Variants in HMX1 observed in about 807,000 individuals in gnomAD.
HMX1 encodes H6 family homeobox 1, also known as homeobox protein HMX1.
A neutral mutation model predicts 8.9 loss-of-function variants in HMX1; 8 were observed. The ratio of observed to expected loss-of-function variants is 0.90; its 90% CI spans 0.53 to 1.63. The LOEUF (loss-of-function observed/expected upper bound fraction) is 1.63, where lower values mean the gene tolerates loss of function less well. Among genes scored for constraint, HMX1 ranks in the 40% most tolerant of loss-of-function variants. The pLI, the probability that HMX1 is intolerant of heterozygous loss-of-function variation, is 0.00. For missense variants in HMX1, 621 were observed against 558.5 expected (o/e 1.11, Z -1.13); for synonymous variants, 311 against 283.4 (o/e 1.10, Z -0.98).
intron 1 of HMX1, among the ~76,000 whole-genome samples, chr4:8,869,676 G>A (rs1364917189): frequency 6.6e-6 from 1 of 152,116 alleles, no homozygotes; most frequent in Non-Finnish European, 1.5e-5. Flanking sequence ...AGCAGGTTGT[G>A]GTGCATGCTA....
rs566538251 is a variant in HMX1 at position 8,849,713 on chromosome 4, G to A, written c.395-3389C>T. ...TCAGGCCCATGTGGATGCAACCCCAGGGGTTTTTCTCCCTCTCTTCCAATC... is the reference window on the plus strand; with the variant it reads ...TCAGGCCCATGTGGATGCAACCCCAAGGGTTTTTCTCCCTCTCTTCCAATC... On this transcript the variant is annotated intron_variant, in intron 1 of 1. Transcript: ENST00000506970. The surrounding 1 kb of genome is among the most constrained non-coding windows in gnomAD (Gnocchi z 6.6). Among the ~76,000 whole-genome samples, 1 of 152,188 alleles carries A rather than the reference G, an allele frequency of 6.6e-6. No homozygotes were observed. Among genetic ancestry groups the A allele is most frequent in the Non-Finnish European group, 1.5e-5 (1 of 68,022 alleles).
intron 1 of HMX1, among the ~76,000 whole-genome samples, chr4:8,850,282 C>G (rs764324818): frequency 6.6e-6 from 1 of 152,138 alleles, no homozygotes; most frequent in African/African-American, 2.4e-5. Flanking sequence ...CTGTGGGGAG[C>G]CTCTGCACAG....
downstream of HMX1, among the ~76,000 whole-genome samples, chr4:8,863,423 C>T (rs145032929): frequency 0.066 from 10,070 of 152,306 alleles, 1,103 homozygotes; most frequent in African/African-American, 0.22. Context: ...CAGAGCCTTC[C>T]GTCTCCGCCC....
At position 8,853,300 on chromosome 4, in the gene HMX1, G is replaced by C. The variant is rs1207849962; in HGVS notation, c.395-6976C>G. On this transcript the variant is annotated intron_variant, in intron 1 of 1. Coordinates refer to the HMX1 transcript ENST00000506970. This position sits in a 1 kb window ranked among gnomAD's most constrained non-coding sequence, Gnocchi z 4.7. ...AGGGACCTGGCTCCTTCTATCCGAG[G>C]CTCTGCTTTGCTGTAACTAAATTGT... is the stretch of plus-strand genomic sequence containing the variant. Among the ~76,000 whole-genome samples, 1 of 152,128 alleles carries C rather than the reference G, an allele frequency of 6.6e-6. No homozygotes were observed. Among genetic ancestry groups the C allele is most frequent in the Non-Finnish European group, 1.5e-5 (1 of 68,020 alleles).
At chr4:8,858,396 G>A (rs960036064) in intron 1 of HMX1, among the ~76,000 whole-genome samples, 3 of 152,218 alleles carry the variant, frequency 2.0e-5, no homozygotes, top group East Asian at 1.9e-4. Flanking sequence ...GAGCAGCCTC[G>A]CAATTTTCGC....
At chr4:8,858,084 G>A (rs796956148) in intron 1 of HMX1, among the ~76,000 whole-genome samples, 10 of 152,112 alleles carry the variant, frequency 6.6e-5, no homozygotes, top group African/African-American at 2.4e-4. Flanking sequence ...CTCGGGGACC[G>A]GCGTGGGGGA....
Position 8,871,590 on chromosome 4 carries a change from C to T in HMX1, c.25G>A (p.Gly9Arg), listed in dbSNP as rs1722227845. 3.0e-6 allele frequency: 4 copies of T among 1,335,112 alleles called. No individual in the cohort carries two copies. Among genetic ancestry groups the T allele is most frequent in the Non-Finnish European group, 3.8e-6 (4 of 1,040,782 alleles). The allele number at this position is 1,335,112 out of a possible 1,614,324, so 82.7% of individuals were successfully genotyped here. A position where few individuals can be genotyped will look rare whatever the true frequency, so the allele number is the denominator to read the frequency against. Residue 9 changes from glycine (G) to arginine (R), a missense_variant, in exon 1 of 2, where the codon GGG (glycine) becomes AGG (arginine). Transcript: ENST00000400677. The surrounding 1 kb of genome is among the most constrained non-coding windows in gnomAD (Gnocchi z 4.8). Reference sequence around the variant, plus strand: ...GAGGCGCGGGCCGGCGTGGCGCGCCCGGGCTCCGTCAGCTCGTCAGGCATC... The same window carrying T: ...GAGGCGCGGGCCGGCGTGGCGCGCCTGGGCTCCGTCAGCTCGTCAGGCATC... MPDELTEPGRATPARASSF... is the reference protein window; with the variant it reads MPDELTEPRRATPARASSF...
rs1225095844 is a variant in HMX1 at position 8,868,892 on chromosome 4, G to A, written c.395-547C>T. ...GAAGAGTTCACAGGCCTCTTCCCGC[G>A]CCCTCTGCCCGCTTGCACAGAAACA... On this transcript the variant is annotated intron_variant, in intron 1 of 1. Coordinates refer to ENST00000400677, the MANE Select transcript of HMX1 (RefSeq NM_018942.3). The surrounding 1 kb of genome is among the most constrained non-coding windows in gnomAD (Gnocchi z 4.6). Among the ~76,000 whole-genome samples, 1 of 152,066 alleles carries A rather than the reference G, an allele frequency of 6.6e-6. No individual in the cohort carries two copies. The highest frequency in any genetic ancestry group is 1.5e-5 in the Non-Finnish European group (1 of 68,022).
At chr4:8,866,534 G>A (rs957469040), downstream of HMX1, among the ~76,000 whole-genome samples, 5 of 152,234 alleles carry the variant, frequency 3.3e-5, no homozygotes, top group African/African-American at 1.2e-4. Flanking sequence ...ATCACCGGCC[G>A]TGAACAGCTT....
In HMX1 at chr4:8,847,923, C is replaced by T. The variant is rs1721325861; in HGVS notation, c.395-1599G>A. On this transcript the variant is annotated intron_variant, in intron 1 of 1. Transcript: ENST00000506970. The surrounding 1 kb of genome is among the most constrained non-coding windows in gnomAD (Gnocchi z 6.0). ...TAAGTTGAACTGGAATCAACGAGCC[C>T]CCTATACTCCAGGCTTTACGGTAAC... is the stretch of plus-strand genomic sequence containing the variant. Among the ~76,000 whole-genome samples, 1 of 152,102 alleles carries T rather than the reference C, an allele frequency of 6.6e-6. No individual in the cohort carries two copies. Among genetic ancestry groups the T allele is most frequent in the Admixed American group, 6.5e-5 (1 of 15,272 alleles).
chr4:8,860,311 G>C (rs945640257), intron 1 of HMX1, among the ~76,000 whole-genome samples: 16 of 152,228 alleles, frequency 1.1e-4, no homozygotes, highest in Non-Finnish European at 2.4e-4. Flanking sequence ...TGCGTTGAGC[G>C]CCTCGGAGGT....
rs750373219 is a variant in HMX1 at position 8,868,269 on chromosome 4, C to T, written c.471G>A (p.Pro157=). The T allele has an allele frequency of 1.1e-5, 16 of 1,439,432 alleles. No homozygotes were observed. In the South Asian group the frequency reaches 1.7e-4, roughly 15 times the overall value. 89.2% of individuals were successfully genotyped at this position (1,439,432 alleles called of 1,614,324 possible). A position where few individuals can be genotyped will look rare whatever the true frequency, so the allele number is the denominator to read the frequency against. ...CCGCTGCCTCCCGCTGCACCGCTCC[C>T]GGCCCGGGGCCTCGCGGCCAGGCGC... ...AEGAWPRGPG[P]GAVQREAAEL... Residue 157 remains proline (P), a synonymous_variant, in exon 2 of 2, where the codon CCG becomes CCA. Coordinates refer to ENST00000400677, the MANE Select transcript of HMX1 (RefSeq NM_018942.3). This position sits in a 1 kb window ranked among gnomAD's most constrained non-coding sequence, Gnocchi z 4.6.
chr4:8,867,324 C>G lies in HMX1; in HGVS notation c.*369G>C. On this transcript the variant is annotated 3_prime_UTR_variant, in exon 2 of 2. Coordinates refer to ENST00000400677, the MANE Select transcript of HMX1 (RefSeq NM_018942.3). Reference sequence around the variant, plus strand: ...ACCGCTCAGCCTTGGACAGCCGGTTCGTAGTTTTCCTTTGTTGCGCTGGGC... The same window carrying G: ...ACCGCTCAGCCTTGGACAGCCGGTTGGTAGTTTTCCTTTGTTGCGCTGGGC... 3.0e-6 allele frequency: 3 copies of G among 997,058 alleles called. No homozygotes were observed. The highest frequency in any genetic ancestry group is 3.6e-6 in the Non-Finnish European group (3 of 837,870). The allele number at this position is 997,058 out of a possible 1,614,324, so 61.8% of individuals were successfully genotyped here.
downstream of HMX1, among the ~76,000 whole-genome samples, chr4:8,862,503 T>G (rs755973074): frequency 5.6e-4 from 86 of 152,232 alleles, no homozygotes; most frequent in South Asian, 8.3e-4. Context: ...TCTATTGGCC[T>G]CCTTTTATTT....
chr4:8,870,218 T>G lies in HMX1; in HGVS notation c.394+1003A>C, dbSNP rs1722166610. ...AGCTGGCCTCAAGGTCCAAAGGCTG[T>G]GTTGGGGGTGGGGGGCTGGCTAAGC... On this transcript the variant is annotated intron_variant, in intron 1 of 1. Transcript: ENST00000400677. This position sits in a 1 kb window ranked among gnomAD's most constrained non-coding sequence, Gnocchi z 4.4. Among the ~76,000 whole-genome samples the G allele has an allele frequency of 6.6e-6, 1 of 150,638 alleles. No individual in the cohort carries two copies. Among genetic ancestry groups the G allele is most frequent in the East Asian group, 2.0e-4 (1 of 5,076 alleles).
Position 8,867,405 on chromosome 4 carries a change from C to CCA in HMX1, c.*287_*288insTG. ...ATGGCCGACCGCTCCTCGCTGAGGCCGGGGGGTGGCCGTGGCGCCGGGGGC... is the reference window on the plus strand; with the variant it reads ...ATGGCCGACCGCTCCTCGCTGAGGCCCAGGGGGGTGGCCGTGGCGCCGGGGGC... On this transcript the variant is annotated 3_prime_UTR_variant, in exon 2 of 2. Coordinates refer to ENST00000400677, the MANE Select transcript of HMX1 (RefSeq NM_018942.3). The CCA allele has an allele frequency of 9.3e-7, 1 of 1,076,482 alleles. No homozygotes were observed. Among genetic ancestry groups the CCA allele is most frequent in the African/African-American group, 1.7e-5 (1 of 60,140 alleles). 66.7% of individuals were successfully genotyped at this position (1,076,482 alleles called of 1,614,324 possible). A position where few individuals can be genotyped will look rare whatever the true frequency, so the allele number is the denominator to read the frequency against.
intron 1 of HMX1, chr4:8,846,383 C>T: frequency 7.4e-7 from 1 of 1,344,356 alleles, no homozygotes; most frequent in Non-Finnish European, 1.0e-6. Flanking sequence ...AAGGTGTCAG[C>T]TAATCCTGGA....
In HMX1 at chr4:8,850,739, C is replaced by T. The variant is rs376563467; in HGVS notation, c.395-4415G>A. 4.3e-4 allele frequency among the ~76,000 whole-genome samples: 66 copies of T among 152,368 alleles called. 1 individual carries two copies. Among genetic ancestry groups the T allele is most frequent in the South Asian group, 1.2e-3 (6 of 4,828 alleles). ...CAGTGTTAGCGCCTGCCCTTCCCCGCGGGTGGGCGTCACCACTCCACTCAC... is the reference window on the plus strand; with the variant it reads ...CAGTGTTAGCGCCTGCCCTTCCCCGTGGGTGGGCGTCACCACTCCACTCAC... On this transcript the variant is annotated intron_variant, in intron 1 of 1. Coordinates refer to the HMX1 transcript ENST00000506970.
chr4:8,871,495 G>A lies in HMX1; in HGVS notation c.120C>T (p.Gly40=). ...CGTCCTCCTCCTCGTCCTCCCGGCT[G>A]CCGTCGCCCTGGGTCGCGCGCCCTG... ...KGAGRATQGD[G]SREDEEEDDD... Residue 40 remains glycine, a synonymous_variant, in exon 1 of 2, where the codon GGC becomes GGT. Transcript: ENST00000400677. The surrounding 1 kb of genome is among the most constrained non-coding windows in gnomAD (Gnocchi z 4.8). 1 of 1,339,570 alleles carries A rather than the reference G, an allele frequency of 7.5e-7. No homozygotes were observed. Among genetic ancestry groups the A allele is most frequent in the Non-Finnish European group, 9.6e-7 (1 of 1,042,626 alleles). The allele number at this position is 1,339,570 out of a possible 1,614,324, so 83.0% of individuals were successfully genotyped here. A position where few individuals can be genotyped will look rare whatever the true frequency, so the allele number is the denominator to read the frequency against.
Sources: gnomAD v4.1 joint callset for allele counts (sites outside exome capture counted in the v4.1 genomes callset) on GRCh38, gnomAD v4.1.1 for gene constraint, Gnocchi (gnomAD v3.1) non-coding constraint, MANE v1.5 for transcripts, NCBI Gene and HGNC (gene_info 2026-07-23, HGNC 2026-07-21) for gene names.